PTPN13: variants seen among roughly 807,000 people sequenced by gnomAD.
PTPN13 encodes the protein protein tyrosine phosphatase non-receptor type 13.
In PTPN13, 191 loss-of-function variants were observed where a neutral mutation model predicts 284.0. The ratio of observed to expected loss-of-function variants is 0.67; its 90% confidence interval spans 0.60 to 0.76. The LOEUF (loss-of-function observed/expected upper bound fraction) is 0.76, where lower values mean the gene tolerates loss of function less well. Among genes scored for constraint, PTPN13 ranks in the 30% least tolerant of loss-of-function variants. The pLI, the probability that PTPN13 is intolerant of heterozygous loss-of-function variation, is 0.00. For synonymous variants in PTPN13, 986 were observed against 1,022.3 expected, an observed-to-expected ratio of 0.96 and a Z score of 0.68; for missense variants, 2,797 against 2,939.9, an observed-to-expected ratio of 0.95 and a Z score of 1.12.
At chr4:86,662,391 G>A (rs557832293) in intron 2 of PTPN13, among the ~76,000 whole-genome samples, 4 of 152,146 alleles carry the variant, frequency 2.6e-5, no homozygotes, top group Non-Finnish European at 4.4e-5. Context: ...GAGTGTGGTG[G>A]TGCAATCTCG....
chr4:86,716,653 G>C (rs769037116), intron 8 of PTPN13, 28 bp downstream of exon 8: 3 of 1,390,736 alleles, frequency 2.2e-6, no homozygotes, highest in Non-Finnish European at 3.0e-6. Flanking sequence ...CAAGCAAACT[G>C]TTTTTAAGAA....
chr4:86,615,046 G>A (rs1720388360), intron 1 of PTPN13, among the ~76,000 whole-genome samples: 1 of 152,068 alleles, frequency 6.6e-6, no homozygotes, highest in Non-Finnish European at 1.5e-5. Context: ...GTTTTTAGCA[G>A]ATTTTTCAAG....
chr4:86,760,722 G>A (rs1302629195), intron 23 of PTPN13, among the ~76,000 whole-genome samples: 1 of 151,994 alleles, frequency 6.6e-6, no homozygotes, highest in Non-Finnish European at 1.5e-5. Context: ...GCAGAGTTTT[G>A]TGTGGTTTTT....
At position 86,773,003 on chromosome 4, in the gene PTPN13, A is replaced by G. The variant is rs780984896; in HGVS notation, c.5349+45A>G. On this transcript the variant is annotated intron_variant, in intron 32 of 47. Transcript: ENST00000411767. ...TTTAAAAAAAAATCCATATTTTTTA[A>G]AAGAAGGTGTGTTCATAAAGTTTCC... 2.9e-6 allele frequency: 4 copies of G among 1,364,978 alleles called. No homozygotes were observed. The Admixed American group carries it at 8.3e-5, about 28-fold the overall frequency. The allele number at this position is 1,364,978 out of a possible 1,614,324, so 84.6% of individuals were successfully genotyped here.
At chr4:86,655,585 C>T (rs1302707147) in intron 2 of PTPN13, among the ~76,000 whole-genome samples, 2 of 152,190 alleles carry the variant, frequency 1.3e-5, no homozygotes, top group Admixed American at 6.5e-5. Context: ...TCTCTTCTGG[C>T]GTGTAGAGTT....
At chr4:86,802,546 A>C (rs1220767605) in intron 42 of PTPN13, among the ~76,000 whole-genome samples, 1 of 152,084 alleles carries the variant, frequency 6.6e-6, no homozygotes, top group Non-Finnish European at 1.5e-5. Context: ...AGCCTTAAAA[A>C]CTTCTGAACG....
intron 44 of PTPN13, among the ~76,000 whole-genome samples, chr4:86,807,241 G>C (rs763454808): frequency 4.6e-5 from 7 of 151,806 alleles, no homozygotes; most frequent in Admixed American, 1.3e-4. Context: ...TGTTTCTCTA[G>C]TTACTTATTA....
At chr4:86,678,919 G>A (rs1353743075) in intron 3 of PTPN13, among the ~76,000 whole-genome samples, 1 of 152,156 alleles carries the variant, frequency 6.6e-6, no homozygotes, top group Non-Finnish European at 1.5e-5. Flanking sequence ...CCCATGGCTA[G>A]TTCATTCTGT....
chr4:86,740,204 C>T (rs13112150), intron 15 of PTPN13, among the ~76,000 whole-genome samples: 12,395 of 152,262 alleles, frequency 0.081, 643 homozygotes, highest in Non-Finnish European at 0.11. Flanking sequence ...TGTGTGCAGG[C>T]TCCAACCCCA....
intron 7 of PTPN13, among the ~76,000 whole-genome samples, chr4:86,714,545 A>G (rs1000386351): frequency 6.6e-6 from 1 of 152,070 alleles, no homozygotes; most frequent in Non-Finnish European, 1.5e-5. Context: ...GTGGGGGGGA[A>G]AATCTATTTT....
At chr4:86,607,750 G>C (rs1764913392) in intron 1 of PTPN13, among the ~76,000 whole-genome samples, 1 of 151,924 alleles carries the variant, frequency 6.6e-6, no homozygotes, top group African/African-American at 2.4e-5. Context: ...AAATTCATGA[G>C]TTTTTTTATG....
At chr4:86,720,325 C>G (rs1170109866) in intron 9 of PTPN13, among the ~76,000 whole-genome samples, 1 of 152,122 alleles carries the variant, frequency 6.6e-6, no homozygotes, top group Non-Finnish European at 1.5e-5. Flanking sequence ...TTGATTGTTT[C>G]CAGATTTTAT....
At chr4:86,801,443 T>A (rs1744021641) in intron 42 of PTPN13, among the ~76,000 whole-genome samples, 1 of 151,946 alleles carries the variant, frequency 6.6e-6, no homozygotes, top group African/African-American at 2.4e-5. Flanking sequence ...TTTTGGGGGG[T>A]GAGGGGGCAG....
intron 1 of PTPN13, among the ~76,000 whole-genome samples, chr4:86,609,741 C>T (rs1315015189): frequency 2.0e-5 from 3 of 151,938 alleles, no homozygotes; most frequent in South Asian, 2.1e-4. Flanking sequence ...ATCAGTTAGT[C>T]GTAAAAGCAA....
intron 35 of PTPN13, among the ~76,000 whole-genome samples, chr4:86,777,763 A>G (rs560507431): frequency 3.3e-5 from 5 of 152,258 alleles, no homozygotes; most frequent in South Asian, 2.1e-4. Context: ...TGTAAATTAG[A>G]TTGTGTACTT....
At chr4:86,647,884 G>T (rs1724620743) in intron 2 of PTPN13, among the ~76,000 whole-genome samples, 1 of 151,942 alleles carries the variant, frequency 6.6e-6, no homozygotes, top group African/African-American at 2.4e-5. Context: ...CCTTGATTTT[G>T]CACTTTTACA....
rs1445988700 is a variant in PTPN13, at chr4:86,734,815, G to C, written c.2091G>C (p.Glu697Asp). Residue 697 changes from glutamate (E) to aspartate (D), a missense_variant, in exon 14 of 48, where the codon GAG becomes GAC. Transcript: ENST00000411767. The stretch of plus-strand genomic sequence containing the variant: ...AGGAAAGGATGCACTGTGATGATGA[G>C]ACTTCCTTATTGCTGGCATCCTTGG... The part of the protein sequence containing the change: ...ILEERMHCDD[E>D]TSLLLASLAL... 6.2e-7 allele frequency: 1 copy of C among 1,613,468 alleles called. No individual in the cohort carries two copies. Among genetic ancestry groups the C allele is most frequent in the Non-Finnish European group, 8.5e-7 (1 of 1,179,536 alleles).
At chr4:86,639,070 GA>G (rs1210646225) in intron 2 of PTPN13, among the ~76,000 whole-genome samples, 1 of 152,122 alleles carries the variant, frequency 6.6e-6, no homozygotes, top group Non-Finnish European at 1.5e-5. Context: ...AAAGACACAT[GA>G]AAAAATGCTC....
chr4:86,693,340 T>C (rs1275273388), intron 5 of PTPN13, among the ~76,000 whole-genome samples: 1 of 152,202 alleles, frequency 6.6e-6, no homozygotes, highest in Non-Finnish European at 1.5e-5. Context: ...ATTTTCTAGT[T>C]AGTAGGTTAC....
Sources: allele counts gnomAD v4.1 joint callset (sites outside exome capture counted in the v4.1 genomes callset), GRCh38; gene constraint gnomAD v4.1.1; transcripts MANE v1.5; gene names NCBI Gene and HGNC (gene_info 2026-07-23, HGNC 2026-07-21).